Variants in WDR4 observed in about 807,000 individuals in gnomAD.
WDR4 encodes WDR4 tRNA N7-guanosine methyltransferase non-catalytic subunit.
WDR4 carries 47 observed loss-of-function variants against 48.6 expected under a neutral mutation model. The observed-to-expected ratio is 0.97, with a 90% CI of 0.77 to 1.23. The LOEUF (loss-of-function observed/expected upper bound fraction) is 1.23. Ranked by LOEUF, WDR4 falls within the 50% of genes most tolerant of loss-of-function variation. The pLI is 0.00. For synonymous variants in WDR4, 268 were observed against 230.0 expected, an observed-to-expected ratio of 1.17 and a Z score of -1.49; for missense variants, 606 against 551.6, an observed-to-expected ratio of 1.10 and a Z score of -0.99.
At chr21:42,876,218 C>CTTTTTTTT (rs373181618) in intron 2 of WDR4, among the ~76,000 whole-genome samples, 25 of 105,866 alleles carry the variant, frequency 2.4e-4, no homozygotes, top group African/African-American at 5.1e-4. Context: ...ACACTGTACT[C>CTTTTTTTT]TTTTTTTTTT....
intron 3 of WDR4, 60 bp from the exon 4 acceptor site, chr21:42,863,656 C>T: frequency 6.5e-7 from 1 of 1,542,022 alleles, no homozygotes; most frequent in Non-Finnish European, 8.8e-7. Flanking sequence ...TCCTCGACAG[C>T]CTGGCAGGCC....
intron 9 of WDR4, 47 bp from the exon 10 acceptor site, chr21:42,852,371 G>A: frequency 6.2e-7 from 1 of 1,601,396 alleles, no homozygotes; most frequent in Admixed American, 1.7e-5. Flanking sequence ...GGCAGGCCTG[G>A]AAACCCAGCA....
intron 4 of WDR4, among the ~76,000 whole-genome samples, chr21:42,863,126 A>G (rs1265536943): frequency 6.6e-6 from 1 of 152,056 alleles, no homozygotes; most frequent in African/African-American, 2.4e-5. Context: ...TGCCTTCTTC[A>G]TTCTCCCTGC....
chr21:42,873,756 G>A, intron 2 of WDR4, 65 bp from the exon 3 acceptor site: 1 of 1,566,870 alleles, frequency 6.4e-7, no homozygotes, highest in Non-Finnish European at 8.7e-7. Flanking sequence ...TTCCTTGTTG[G>A]CCAGCGTGGT....
the WDR4 span, among the ~76,000 whole-genome samples, chr21:42,891,632 T>C: frequency 6.6e-6 from 1 of 151,770 alleles, no homozygotes; most frequent in Non-Finnish European, 1.5e-5. Context: ...ACCTTTTCCC[T>C]GGACACAACA....
chr21:42,850,189 T>G lies in WDR4; in HGVS notation c.1099A>C (p.Asn367His). ...FSSLYKATFD[N>H]VTSYLKKKEE... ...TTCTTCTTCAGGTAGGAGGTCACGT[T>G]GTCGAACGTGGCCTTGTAGAGACTG... is the stretch of plus-strand genomic sequence containing the variant. Residue 367 changes from asparagine (N) to histidine (H), a missense_variant, in exon 11 of 11, where the codon AAC (asparagine) becomes CAC (histidine). Coordinates refer to ENST00000398208, the MANE Select transcript of WDR4 (RefSeq NM_018669.6). 6.2e-7 allele frequency: 1 copy of G among 1,613,902 alleles called. No individual in the cohort carries two copies. Among genetic ancestry groups the G allele is most frequent in the Middle Eastern group, 1.7e-4 (1 of 6,050 alleles).
At chr21:42,888,533 C>T in the WDR4 span, among the ~76,000 whole-genome samples, 2 of 151,966 alleles carry the variant, frequency 1.3e-5, no homozygotes, top group Non-Finnish European at 1.5e-5. Context: ...GCACTCCAGC[C>T]TGGGTGACAG....
At position 42,859,665 on chromosome 21, in the gene WDR4, A is replaced by G; in HGVS notation, c.624T>C (p.Ser208=). Residue 208 remains serine (S), a synonymous_variant, in exon 6 of 11, where the codon TCT becomes TCC. Transcript: ENST00000398208. ...TGACGCTGGGCAGAACACTTACCCC[A>G]GAGGAGGACAGAAGCAGCCCGGGCT... ...PTQPGLLLSS[S]GDGTLRLWEY... 1 of 1,304,698 alleles carries G rather than the reference A, an allele frequency of 7.7e-7. No individual in the cohort carries two copies. The highest frequency in any genetic ancestry group is 1.0e-6 in the Non-Finnish European group (1 of 995,574). 80.8% of individuals were successfully genotyped at this position (1,304,698 alleles called of 1,614,324 possible). A position where few individuals can be genotyped will look rare whatever the true frequency, so the allele number is the denominator to read the frequency against.
At position 42,850,179 on chromosome 21, in the gene WDR4, G is replaced by C; in HGVS notation, c.1109C>G (p.Ser370Cys). 6.2e-7 allele frequency: 1 copy of C among 1,614,026 alleles called. No individual in the cohort carries two copies. Among genetic ancestry groups the C allele is most frequent in the Non-Finnish European group, 8.5e-7 (1 of 1,179,970 alleles). Residue 370 changes from serine (S) to cysteine (C), a missense_variant, in exon 11 of 11, where the codon TCC becomes TGC. By Grantham distance (112) the Ser-to-Cys change is moderately radical (BLOSUM62 -1). Transcript: ENST00000398208. The part of the protein sequence containing the change: ...LYKATFDNVT[S>C]YLKKKEERLQ... ...TCTCTCCTCTTTCTTCTTCAGGTAGGAGGTCACGTTGTCGAACGTGGCCTT... is the reference window on the plus strand; with the variant it reads ...TCTCTCCTCTTTCTTCTTCAGGTAGCAGGTCACGTTGTCGAACGTGGCCTT...
downstream of WDR4, among the ~76,000 whole-genome samples, chr21:42,847,758 A>G (rs2057723444): frequency 6.6e-6 from 1 of 152,250 alleles, no homozygotes; most frequent in Non-Finnish European, 1.5e-5. Context: ...ACCACTTTTA[A>G]AATGTAAAAA....
chr21:42,854,024 G>T (rs751319163), intron 8 of WDR4, among the ~76,000 whole-genome samples: 3 of 152,190 alleles, frequency 2.0e-5, no homozygotes, highest in Non-Finnish European at 4.4e-5. Flanking sequence ...GCAGGCCCTG[G>T]GCTCAGGCGC....
In WDR4 at chr21:42,873,695, A is replaced by C. The variant is rs569985044; in HGVS notation, c.156-4T>G. 6.2e-7 allele frequency: 1 copy of C among 1,612,666 alleles called. No homozygotes were observed. Among genetic ancestry groups the C allele is most frequent in the South Asian group, 1.1e-5 (1 of 90,890 alleles). On this transcript the variant is annotated splice_polypyrimidine_tract_variant and splice_region_variant and intron_variant, in intron 2 of 10. Transcript: ENST00000398208. Reference sequence around the variant, plus strand: ...CTGGTCCAAGGGCGCGTCCTCCCTGAGGAAGAGAGGAGGAAGACGGTTAAG... The same window carrying C: ...CTGGTCCAAGGGCGCGTCCTCCCTGCGGAAGAGAGGAGGAAGACGGTTAAG...
intron 3 of WDR4, among the ~76,000 whole-genome samples, chr21:42,872,472 A>ATGG (rs1357688989): frequency 2.0e-5 from 3 of 151,888 alleles, no homozygotes; most frequent in African/African-American, 7.3e-5. Context: ...TTAGTCAGGC[A>ATGG]TGGTGGTGTG....
chr21:42,886,647 G>C, the WDR4 span, among the ~76,000 whole-genome samples: 1 of 152,230 alleles, frequency 6.6e-6, no homozygotes, highest in African/African-American at 2.4e-5. Context: ...GGGAGGAGCG[G>C]GGAGCCCCTG....
chr21:42,854,463 G>A (rs1370315816), intron 8 of WDR4, 99 bp downstream of exon 8: 2 of 1,227,494 alleles, frequency 1.6e-6, no homozygotes, highest in Non-Finnish European at 2.3e-6. Context: ...CACCGTTCAG[G>A]ACCTCTTCAT....
chr21:42,881,058 A>C (rs1488964213), upstream of WDR4, among the ~76,000 whole-genome samples: 1 of 151,538 alleles, frequency 6.6e-6, no homozygotes, highest in Non-Finnish European at 1.5e-5. Flanking sequence ...GGCGCCCGCC[A>C]CCACGCCTGG....
intron 3 of WDR4, among the ~76,000 whole-genome samples, chr21:42,866,223 C>A (rs902517331): frequency 1.3e-5 from 2 of 152,198 alleles, no homozygotes; most frequent in Non-Finnish European, 2.9e-5. Context: ...AGTCTCCTGA[C>A]TGCCCAGGTG....
chr21:42,847,312 C>T (rs970979216), downstream of WDR4, among the ~76,000 whole-genome samples: 1 of 152,142 alleles, frequency 6.6e-6, no homozygotes, highest in Admixed American at 6.5e-5. Context: ...TAAATACACG[C>T]GGAGCTGGGT....
At chr21:42,856,780 T>C (rs1173192069) in intron 6 of WDR4, among the ~76,000 whole-genome samples, 2 of 151,972 alleles carry the variant, frequency 1.3e-5, no homozygotes, top group Non-Finnish European at 2.9e-5. Flanking sequence ...CACACACGCA[T>C]GCACATACAC....
Sources: gnomAD v4.1 joint callset for allele counts (sites outside exome capture counted in the v4.1 genomes callset) on GRCh38, gnomAD v4.1.1 for gene constraint, MANE v1.5 for transcripts, NCBI Gene and HGNC (gene_info 2026-07-23, HGNC 2026-07-21) for gene names.